Variants in UBE2R2 observed in about 807,000 individuals in gnomAD.
UBE2R2 encodes the protein ubiquitin-conjugating enzyme E2 R2.
In UBE2R2, 1 loss-of-function variant was observed where a neutral mutation model predicts 27.8. The ratio of observed to expected loss-of-function variants is 0.04; its 90% CI spans 0.01 to 0.17. The LOEUF is 0.17. Among genes scored for constraint, UBE2R2 ranks in the 10% least tolerant of loss-of-function variants. The pLI is 1.00. For missense variants in UBE2R2, 100 were observed against 291.0 expected, an observed-to-expected ratio of 0.34 and a Z score of 4.78; for synonymous variants, 106 against 113.3, an observed-to-expected ratio of 0.94 and a Z score of 0.41.
At chr9:33,830,302 C>T (rs569166288) in intron 1 of UBE2R2, among the ~76,000 whole-genome samples, 17 of 150,934 alleles carry the variant, frequency 1.1e-4, no homozygotes, top group Non-Finnish European at 2.2e-4. Context: ...GGACTACAGG[C>T]GCATGCCACC....
Position 33,918,171 on chromosome 9 carries a change from A to T in UBE2R2, c.*934A>T, listed in dbSNP as rs1302421535. 6.6e-6 allele frequency: 1 copy of T among 152,572 alleles called. No homozygotes were observed. The highest frequency in any genetic ancestry group is 2.4e-5 in the African/African-American group (1 of 41,422). The allele number at this position is 152,572 out of a possible 1,614,324, so 9.5% of individuals were successfully genotyped here. Reference sequence around the variant, plus strand: ...TACTGGTGACCACTGTTGGGAGAGGAAACATCTGTTTTATAGATTTAGCAT... The same window carrying T: ...TACTGGTGACCACTGTTGGGAGAGGTAACATCTGTTTTATAGATTTAGCAT... On this transcript the variant is annotated 3_prime_UTR_variant, in exon 5 of 5. Coordinates refer to ENST00000263228, the MANE Select transcript of UBE2R2 (RefSeq NM_017811.4).
chr9:33,900,945 G>C (rs1187354193), intron 3 of UBE2R2, among the ~76,000 whole-genome samples: 1 of 151,796 alleles, frequency 6.6e-6, no homozygotes, highest in Non-Finnish European at 1.5e-5. Context: ...CTCTCTCTCT[G>C]TTTCTGTCTG....
At chr9:33,826,531 T>C (rs1030384618) in intron 1 of UBE2R2, among the ~76,000 whole-genome samples, 3 of 151,962 alleles carry the variant, frequency 2.0e-5, no homozygotes, top group African/African-American at 7.3e-5. Context: ...ACCCCGTCTC[T>C]ACTAAAACTA....
chr9:33,823,391 T>C (rs1248657335), intron 1 of UBE2R2, among the ~76,000 whole-genome samples: 1 of 151,430 alleles, frequency 6.6e-6, no homozygotes, highest in East Asian at 1.9e-4. Flanking sequence ...TTTTTTTTTT[T>C]CCTAGATGGA....
At chr9:33,894,420 T>G (rs909087531) in intron 2 of UBE2R2, among the ~76,000 whole-genome samples, 11 of 152,200 alleles carry the variant, frequency 7.2e-5, no homozygotes, top group African/African-American at 2.4e-4. Context: ...GAGAAATGTC[T>G]GTCCTAGCTC....
intron 1 of UBE2R2, among the ~76,000 whole-genome samples, chr9:33,843,456 G>A (rs1045094020): frequency 6.6e-6 from 1 of 151,816 alleles, no homozygotes; most frequent in African/African-American, 2.4e-5. Context: ...TCTGGAAATG[G>A]AGGTTTTACT....
At chr9:33,899,943 A>G (rs1405934386) in intron 2 of UBE2R2, among the ~76,000 whole-genome samples, 1 of 152,166 alleles carries the variant, frequency 6.6e-6, no homozygotes. Context: ...GGATTGTTCT[A>G]TAGGAATAGT....
chr9:33,911,326 C>G (rs1053357767), intron 3 of UBE2R2, among the ~76,000 whole-genome samples: 1 of 132,888 alleles, frequency 7.5e-6, no homozygotes, highest in African/African-American at 2.8e-5. Context: ...GCAGGAGAAT[C>G]GCTTGAACCT....
rs1431973490 is a variant in UBE2R2, at chr9:33,829,799, T to G, written c.177+11865T>G. On this transcript the variant is annotated intron_variant, in intron 1 of 4. Transcript: ENST00000263228. ...TCTTTAGATTAGTGCAATCGTTTTT[T>G]TTTTTTTTTTTTTTTTAAACAGTTT... Among the ~76,000 whole-genome samples the G allele has an allele frequency of 7.3e-5, 11 of 150,328 alleles. No homozygotes were observed. In the South Asian group the frequency reaches 1.5e-3, roughly 20 times the overall value.
rs527636359 is a variant in UBE2R2, at chr9:33,886,803, C to A, written c.178-78C>A. On this transcript the variant is annotated intron_variant, in intron 1 of 4. Transcript: ENST00000263228. ...TATGAAAGGAGCTTTGTTTCTGTGGCGTGTAGTAGGGTGAATTATTAGGCA... is the reference window on the plus strand; with the variant it reads ...TATGAAAGGAGCTTTGTTTCTGTGGAGTGTAGTAGGGTGAATTATTAGGCA... 160 of 1,175,772 alleles carry A rather than the reference C, an allele frequency of 1.4e-4. 4 individuals carry two copies. In the South Asian group the frequency reaches 2.5e-3, roughly 18 times the overall value. 72.8% of individuals were successfully genotyped at this position (1,175,772 alleles called of 1,614,324 possible). A position where few individuals can be genotyped will look rare whatever the true frequency, so the allele number is the denominator to read the frequency against.
intron 1 of UBE2R2, among the ~76,000 whole-genome samples, chr9:33,861,174 A>T (rs1281852929): frequency 6.7e-6 from 1 of 150,228 alleles, no homozygotes; most frequent in Non-Finnish European, 1.5e-5. Flanking sequence ...GTTAGCCAGG[A>T]TGGTCTCGAT....
At chr9:33,906,751 T>C (rs1822366664) in intron 3 of UBE2R2, among the ~76,000 whole-genome samples, 1 of 152,156 alleles carries the variant, frequency 6.6e-6, no homozygotes, top group African/African-American at 2.4e-5. Flanking sequence ...TAAATACTTC[T>C]TTAGGCCAGG....
intron 1 of UBE2R2, among the ~76,000 whole-genome samples, chr9:33,822,094 A>AT (rs750703942): frequency 0.14 from 19,823 of 139,294 alleles, 1,401 homozygotes; most frequent in South Asian, 0.32. Context: ...ATATATATAT[A>AT]TATTTTTTTT....
intron 3 of UBE2R2, among the ~76,000 whole-genome samples, chr9:33,910,978 C>A (rs937736665): frequency 1.3e-5 from 2 of 152,148 alleles, no homozygotes; most frequent in East Asian, 1.9e-4. Context: ...TAGTACAATG[C>A]CTGTAATCCC....
chr9:33,885,516 G>GA (rs1181109717), intron 1 of UBE2R2, among the ~76,000 whole-genome samples: 1 of 152,204 alleles, frequency 6.6e-6, no homozygotes, highest in Admixed American at 6.5e-5. Flanking sequence ...GGAACCATTA[G>GA]AAAAGTAAAC....
intron 1 of UBE2R2, among the ~76,000 whole-genome samples, chr9:33,827,897 G>A (rs927323314): frequency 1.3e-5 from 2 of 151,742 alleles, no homozygotes; most frequent in Non-Finnish European, 2.9e-5. Flanking sequence ...CTTGAACCCG[G>A]GAGGCGGAGG....
chr9:33,846,308 A>G (rs887289078), intron 1 of UBE2R2, among the ~76,000 whole-genome samples: 2 of 152,012 alleles, frequency 1.3e-5, no homozygotes, highest in African/African-American at 2.4e-5. Context: ...ATAAAATAAA[A>G]TATTCTAATT....
At chr9:33,916,960 T>C in intron 4 of UBE2R2, 58 bp from the exon 5 acceptor site, 7 of 1,592,720 alleles carry the variant, frequency 4.4e-6, no homozygotes, top group Non-Finnish European at 5.1e-6. Flanking sequence ...AGGCCAATTA[T>C]AAATCTGTCT....
intron 1 of UBE2R2, among the ~76,000 whole-genome samples, chr9:33,839,118 G>T (rs927519134): frequency 2.0e-5 from 3 of 151,592 alleles, no homozygotes; most frequent in African/African-American, 7.3e-5. Context: ...GTCTGAATGT[G>T]TATCCCCAAA....
Sources: gnomAD v4.1 joint callset for allele counts (sites outside exome capture counted in the v4.1 genomes callset) on GRCh38, gnomAD v4.1.1 for gene constraint, MANE v1.5 for transcripts, NCBI Gene and HGNC (gene_info 2026-07-23, HGNC 2026-07-21) for gene names.